VMP1: variants seen among roughly 807,000 people sequenced by gnomAD.
VMP1 encodes the protein ectopic P-granules autophagy protein 3 homolog.
VMP1 carries 11 observed loss-of-function variants against 56.0 expected under a neutral mutation model. The observed-to-expected ratio is 0.20, with a 90% CI of 0.12 to 0.32. VMP1 has a LOEUF of 0.32. Ranked by LOEUF, VMP1 falls within the 10% of genes least tolerant of loss-of-function variation. VMP1 has a pLI of 1.00. For missense variants in VMP1, 296 were observed against 490.3 expected (o/e 0.60, Z 3.74); for synonymous variants, 149 against 165.0 (o/e 0.90, Z 0.74).
chr17:59,817,051 T>C (rs2144254853), intron 9 of VMP1, among the ~76,000 whole-genome samples: 1 of 151,018 alleles, frequency 6.6e-6, no homozygotes, highest in South Asian at 2.1e-4. Flanking sequence ...GATGGATCAC[T>C]TGAGATCAGG....
chr17:59,737,648 CATT>C, intron 4 of VMP1, 105 bp downstream of exon 4: 1 of 895,896 alleles, frequency 1.1e-6, no homozygotes. Flanking sequence ...CTACCCTCAA[CATT>C]ATCTCATAAC....
At chr17:59,741,937 A>T (rs2035241497) in intron 5 of VMP1, among the ~76,000 whole-genome samples, 2 of 152,192 alleles carry the variant, frequency 1.3e-5, no homozygotes, top group South Asian at 4.1e-4. Flanking sequence ...GAGATCTTGC[A>T]ACATTTTTCT....
intron 9 of VMP1, among the ~76,000 whole-genome samples, 167 bp downstream of exon 9, chr17:59,811,953 G>A (rs891162429): frequency 2.6e-5 from 4 of 151,944 alleles, no homozygotes; most frequent in Non-Finnish European, 5.9e-5. Flanking sequence ...TGATCTCCTT[G>A]TTTTCTTTCT....
At chr17:59,720,066 T>A (rs975212969) in intron 1 of VMP1, among the ~76,000 whole-genome samples, 1 of 152,208 alleles carries the variant, frequency 6.6e-6, no homozygotes, top group Non-Finnish European at 1.5e-5. Context: ...CTAACTTACA[T>A]ACGTGCACTC....
chr17:59,833,856 T>C (rs958808930), intron 10 of VMP1, among the ~76,000 whole-genome samples: 1 of 152,254 alleles, frequency 6.6e-6, no homozygotes, highest in Non-Finnish European at 1.5e-5. Context: ...AACAAAAACA[T>C]ACTCTTTGTA....
intron 10 of VMP1, among the ~76,000 whole-genome samples, chr17:59,834,428 C>G (rs540536038): frequency 6.6e-6 from 1 of 152,120 alleles, no homozygotes; most frequent in East Asian, 1.9e-4. Context: ...CCGTGCCTGG[C>G]TACTTTTGTT....
At chr17:59,763,281 C>G (rs1420384403) in intron 5 of VMP1, among the ~76,000 whole-genome samples, 1 of 151,672 alleles carries the variant, frequency 6.6e-6, no homozygotes, top group Admixed American at 6.6e-5. Flanking sequence ...TCTTTTTTCC[C>G]CCAAGTGTGA....
chr17:59,752,004 GGT>G (rs975712855), intron 5 of VMP1, among the ~76,000 whole-genome samples: 3 of 151,490 alleles, frequency 2.0e-5, no homozygotes, highest in African/African-American at 7.3e-5. Flanking sequence ...GTAGAAACGG[GGT>G]CTCTCCATGT....
At chr17:59,772,372 A>G (rs1023568821) in intron 6 of VMP1, among the ~76,000 whole-genome samples, 5 of 152,186 alleles carry the variant, frequency 3.3e-5, no homozygotes, top group African/African-American at 1.2e-4. Flanking sequence ...TGAATACAAA[A>G]TATTTGAATT....
chr17:59,794,465 G>A (rs1313189961), intron 7 of VMP1, among the ~76,000 whole-genome samples: 15 of 145,312 alleles, frequency 1.0e-4, no homozygotes, highest in Admixed American at 5.6e-4. Context: ...TGATCTGCCC[G>A]CCTCGGCCTC....
chr17:59,789,589 C>T (rs2144112679), intron 7 of VMP1, among the ~76,000 whole-genome samples: 1 of 151,746 alleles, frequency 6.6e-6, no homozygotes, highest in South Asian at 2.1e-4. Flanking sequence ...TTCGTTTTTG[C>T]TTATGAGTCT....
At chr17:59,785,218 A>G (rs1406669070) in intron 7 of VMP1, among the ~76,000 whole-genome samples, 1 of 152,200 alleles carries the variant, frequency 6.6e-6, no homozygotes, top group Admixed American at 6.5e-5. Flanking sequence ...GAATAAGTTT[A>G]CTTTCCTAAA....
intron 10 of VMP1, among the ~76,000 whole-genome samples, chr17:59,821,334 TC>T (rs987255786): frequency 2.5e-4 from 38 of 152,062 alleles, no homozygotes; most frequent in Non-Finnish European, 5.0e-4. Flanking sequence ...CTCAAAAAAT[TC>T]CAGTGATCCT....
chr17:59,827,501 G>C (rs1401167773), intron 10 of VMP1, among the ~76,000 whole-genome samples: 1 of 151,860 alleles, frequency 6.6e-6, no homozygotes, highest in African/African-American at 2.4e-5. Flanking sequence ...ATTTTTACTA[G>C]AGTCGGGGTT....
At chr17:59,800,985 C>T (rs981431954) in intron 7 of VMP1, among the ~76,000 whole-genome samples, 1 of 150,542 alleles carries the variant, frequency 6.6e-6, no homozygotes, top group Non-Finnish European at 1.5e-5. Context: ...GAGGGTGAGG[C>T]AGGAGAATTG....
At chr17:59,808,723 TA>T in intron 7 of VMP1, 72 bp from the exon 8 acceptor site, 1 of 1,260,530 alleles carries the variant, frequency 7.9e-7, no homozygotes, top group Non-Finnish European at 1.1e-6. Flanking sequence ...AGATCTTTAA[TA>T]AACTCTAGAA....
At chr17:59,760,411 T>G (rs2036007950) in intron 5 of VMP1, among the ~76,000 whole-genome samples, 1 of 151,556 alleles carries the variant, frequency 6.6e-6, no homozygotes, top group African/African-American at 2.4e-5. Flanking sequence ...TCACAGGTAT[T>G]TTTTTCTTTG....
intron 7 of VMP1, among the ~76,000 whole-genome samples, chr17:59,774,350 G>A (rs920695675): frequency 6.6e-6 from 1 of 152,020 alleles, no homozygotes; most frequent in Non-Finnish European, 1.5e-5. Context: ...GCAGGAGTTT[G>A]AGGCTGCAAG....
intron 6 of VMP1, 98 bp from the exon 7 acceptor site, chr17:59,773,656 A>C (rs554478343): frequency 8.1e-7 from 1 of 1,229,224 alleles, no homozygotes; most frequent in Admixed American, 2.7e-5. Flanking sequence ...ATTGCATCTC[A>C]AAATGCTTCT....
Sources: gnomAD v4.1 joint callset for allele counts (sites outside exome capture counted in the v4.1 genomes callset) on GRCh38, gnomAD v4.1.1 for gene constraint, MANE v1.5 for transcripts, NCBI Gene and HGNC (gene_info 2026-07-23, HGNC 2026-07-21) for gene names.